Variants in ODAD2 observed in about 807,000 individuals in gnomAD.
ODAD2 encodes outer dynein arm docking complex subunit 2, also known as outer dynein arm-docking complex subunit 2.
A neutral mutation model predicts 106.8 loss-of-function variants in ODAD2; 89 were observed. The ratio of observed to expected loss-of-function variants is 0.83; its 90% CI spans 0.70 to 0.99. ODAD2 has a LOEUF of 0.99. ODAD2 is among the 50% of genes least tolerant of loss of function. The pLI is 0.00. For missense variants in ODAD2, 1,168 were observed against 1,238.5 expected (o/e 0.94, Z 0.85); for synonymous variants, 404 against 436.2 (o/e 0.93, Z 0.92).
intron 16 of ODAD2, among the ~76,000 whole-genome samples, chr10:27,909,140 G>A (rs574178967): frequency 6.6e-6 from 1 of 152,194 alleles, no homozygotes; most frequent in Non-Finnish European, 1.5e-5. Context: ...GCCAATCTCT[G>A]AGCCTCTATT....
chr10:27,936,727 T>C lies in ODAD2; in HGVS notation c.2251A>G (p.Lys751Glu), dbSNP rs1846000605. 3 of 1,613,910 alleles carry C rather than the reference T, an allele frequency of 1.9e-6. No individual in the cohort carries two copies. The highest frequency in any genetic ancestry group is 2.2e-5 in the East Asian group (1 of 44,876). ...KCSISKENVT[K>E]FREYKAIETL... ...AGAATATTGAGAGCCTTCTCTTACT[T>C]GGTAACATTCTCTTTGCTGATGGAA... The change falls in exon 15 of 20, where the codon AAG becomes GAG. Residue 751 changes from lysine to glutamate, a missense_variant and splice_region_variant. Lys to Glu is a moderately conservative substitution (Grantham distance 56). This residue lies in a region of ODAD2 where 701 missense variants were observed against 712.3 expected (regional missense o/e 0.98). Transcript: ENST00000305242.
At chr10:27,834,555 A>G (rs1021391325) in intron 19 of ODAD2, among the ~76,000 whole-genome samples, 22 of 152,064 alleles carry the variant, frequency 1.4e-4, no homozygotes, top group African/African-American at 4.8e-4. Context: ...AGGTTGGTGG[A>G]CATCCAGGGG....
intron 7 of ODAD2, among the ~76,000 whole-genome samples, chr10:27,977,149 G>A (rs1849241985): frequency 6.6e-6 from 1 of 152,070 alleles, no homozygotes; most frequent in African/African-American, 2.4e-5. Context: ...GAAAACATTG[G>A]AGAAATTCAT....
chr10:27,983,733 C>T, intron 6 of ODAD2, 110 bp downstream of exon 6: 1 of 1,081,254 alleles, frequency 9.2e-7, no homozygotes, highest in Non-Finnish European at 1.3e-6. Flanking sequence ...TGCTTCTATC[C>T]CACAGAATGG....
At chr10:27,994,496 G>C (rs1850430186) in intron 2 of ODAD2, among the ~76,000 whole-genome samples, 1 of 152,084 alleles carries the variant, frequency 6.6e-6, no homozygotes, top group Non-Finnish European at 1.5e-5. Flanking sequence ...GTAGAAGGCT[G>C]AGGCAGGAGG....
At chr10:27,845,389 C>A (rs1564420554) in intron 19 of ODAD2, among the ~76,000 whole-genome samples, 1 of 152,108 alleles carries the variant, frequency 6.6e-6, no homozygotes, top group Non-Finnish European at 1.5e-5. Context: ...TTTGTCACCA[C>A]CAGGCCTGCC....
At chr10:27,972,656 G>C in intron 7 of ODAD2, among the ~76,000 whole-genome samples, 1 of 152,080 alleles carries the variant, frequency 6.6e-6, no homozygotes, top group Non-Finnish European at 1.5e-5. Flanking sequence ...CGACTCCAAA[G>C]CAAATAATAT....
chr10:27,949,900 C>T (rs1180075105), intron 10 of ODAD2, among the ~76,000 whole-genome samples: 1 of 152,106 alleles, frequency 6.6e-6, no homozygotes, highest in Non-Finnish European at 1.5e-5. Context: ...GGAAAGGATG[C>T]TACAAGTGTA....
intron 19 of ODAD2, among the ~76,000 whole-genome samples, chr10:27,822,490 T>C (rs1463160115): frequency 6.6e-6 from 1 of 152,196 alleles, no homozygotes; most frequent in East Asian, 1.9e-4. Flanking sequence ...AGTGACGTTG[T>C]AGCACTCATG....
intron 18 of ODAD2, 98 bp from the exon 19 acceptor site, chr10:27,860,944 T>C (rs1293674900): frequency 2.9e-6 from 3 of 1,040,074 alleles, no homozygotes; most frequent in Non-Finnish European, 4.3e-6. Context: ...AAGACACCAA[T>C]GAGTCTAGAG....
In ODAD2 at chr10:27,812,215, C is replaced by T. The variant is rs1835796906; in HGVS notation, c.*297G>A. ...ATTAAAATCGCCACAAATACAAAAGCATCACTGAACTAAAAATACATCATA... is the reference window on the plus strand; with the variant it reads ...ATTAAAATCGCCACAAATACAAAAGTATCACTGAACTAAAAATACATCATA... On this transcript the variant is annotated 3_prime_UTR_variant, in exon 20 of 20. Coordinates refer to ENST00000305242, the MANE Select transcript of ODAD2 (RefSeq NM_018076.5). The T allele has an allele frequency of 3.2e-6, 1 of 316,176 alleles. No individual in the cohort carries two copies. Among genetic ancestry groups the T allele is most frequent in the East Asian group, 9.4e-5 (1 of 10,692 alleles). 19.6% of individuals were successfully genotyped at this position (316,176 alleles called of 1,614,324 possible). A position where few individuals can be genotyped will look rare whatever the true frequency, so the allele number is the denominator to read the frequency against.
At position 27,968,926 on chromosome 10, in the gene ODAD2, AG is replaced by A. The variant is rs1483301805; in HGVS notation, c.1234del (p.Leu412PhefsTer47). 6 of 624,748 alleles carry A rather than the reference AG, an allele frequency of 9.6e-6. No individual in the cohort carries two copies. The highest frequency in any genetic ancestry group is 3.9e-5 in the South Asian group (2 of 51,656). The allele number at this position is 624,748 out of a possible 1,614,324, so 38.7% of individuals were successfully genotyped here. ...GTCTTGCTGACCAGAAACATACCGA[AG>A]TAATTGTGCTCTTCCGTGTGAAACA... ...PSVSHGRAQL[L>X]RKSAEKIEET... On this transcript the variant is annotated frameshift_variant, in exon 9 of 20. Coordinates refer to ENST00000305242, the MANE Select transcript of ODAD2 (RefSeq NM_018076.5). LOFTEE classifies it high-confidence loss of function.
chr10:27,843,826 T>C (rs1341785911), intron 19 of ODAD2, among the ~76,000 whole-genome samples: 2 of 152,104 alleles, frequency 1.3e-5, no homozygotes, highest in African/African-American at 2.4e-5. Flanking sequence ...AGTCTGAAGA[T>C]GCAATATACA....
chr10:27,940,060 T>G (rs1846282038), intron 13 of ODAD2, 53 bp from the exon 14 acceptor site: 1 of 1,243,070 alleles, frequency 8.0e-7, no homozygotes, highest in South Asian at 1.4e-5. Context: ...TATAAGTAAC[T>G]GTTTACATTT....
chr10:27,918,422 A>G (rs1844545877), intron 16 of ODAD2, among the ~76,000 whole-genome samples: 1 of 151,524 alleles, frequency 6.6e-6, no homozygotes, highest in Non-Finnish European at 1.5e-5. Context: ...AAATCACCTT[A>G]TTTATTTATA....
Position 27,940,663 on chromosome 10 carries a change from C to A in ODAD2, c.1886G>T (p.Arg629Leu), listed in dbSNP as rs200127444. The change falls in exon 13 of 20, where the codon CGC becomes CTC. Residue 629 changes from arginine (R) to leucine (L), a missense_variant. Physicochemically the swap from Arg to Leu is moderately radical, Grantham distance 102. Transcript: ENST00000305242. ...SKSHTNKEAI[R>L]KAGGIPLLAR... ...CAACAGAGGAATGCCCCCAGCTTTGCGGATGGCTTCTTTATTCGTATGACT... is the reference window on the plus strand; with the variant it reads ...CAACAGAGGAATGCCCCCAGCTTTGAGGATGGCTTCTTTATTCGTATGACT... The A allele has an allele frequency of 1.2e-6, 2 of 1,613,996 alleles. No homozygotes were observed. Among genetic ancestry groups the A allele is most frequent in the East Asian group, 2.2e-5 (1 of 44,866 alleles).
intron 19 of ODAD2, among the ~76,000 whole-genome samples, chr10:27,839,844 C>T (rs1228276393): frequency 6.6e-6 from 1 of 152,166 alleles, no homozygotes; most frequent in Non-Finnish European, 1.5e-5. Context: ...TTTTCTTAAA[C>T]TCAGGTTGAC....
At position 27,862,480 on chromosome 10, in the gene ODAD2, A is replaced by G. The variant is rs143209791; in HGVS notation, c.2753T>C (p.Ile918Thr). ...IAKDQENLAV[I>T]TDHGVVPLLS... The stretch of plus-strand genomic sequence containing the variant: ...TAAAGGAACAACTCCATGATCTGTG[A>G]TAACAGCTAAATTTTCTTGATCTTT... The change falls in exon 18 of 20, where the codon ATC (isoleucine) becomes ACC (threonine). Residue 918 changes from isoleucine to threonine, a missense_variant. By Grantham distance (89) the Ile-to-Thr change is moderately conservative. Coordinates refer to ENST00000305242, the MANE Select transcript of ODAD2 (RefSeq NM_018076.5). 2 of 1,612,468 alleles carry G rather than the reference A, an allele frequency of 1.2e-6. No individual in the cohort carries two copies. Among genetic ancestry groups the G allele is most frequent in the African/African-American group, 1.3e-5 (1 of 74,882 alleles).
chr10:27,866,631 C>A (rs567136677), intron 17 of ODAD2, among the ~76,000 whole-genome samples: 7 of 152,230 alleles, frequency 4.6e-5, no homozygotes, highest in African/African-American at 1.7e-4. Flanking sequence ...TGGTGAGGGC[C>A]TCAGGAAGCT....
Sources: gnomAD v4.1 joint callset for allele counts (sites outside exome capture counted in the v4.1 genomes callset) on GRCh38, gnomAD v4.1.1 for gene constraint, gnomAD v4.1.1 regional missense constraint, MANE v1.5 for transcripts, NCBI Gene and HGNC (gene_info 2026-07-23, HGNC 2026-07-21) for gene names.